BTBD9: variants seen among roughly 807,000 people sequenced by gnomAD.
BTBD9 encodes the protein BTB domain containing 9, also known as BTB/POZ domain-containing protein 9.
Under a neutral mutation model 64.3 loss-of-function variants are expected in BTBD9, and 49 were observed. The observed-to-expected ratio is 0.76, with a 90% CI of 0.61 to 0.97. The LOEUF (loss-of-function observed/expected upper bound fraction) is 0.97, where lower values mean the gene tolerates loss of function less well. Among genes scored for constraint, BTBD9 ranks in the 50% least tolerant of loss-of-function variants. The pLI is 0.00. For synonymous variants in BTBD9, 260 were observed against 274.7 expected (o/e 0.95, Z 0.53); for missense variants, 598 against 762.1 (o/e 0.78, Z 2.53).
chr6:38,303,860 TATATATATATATATACAC>T (rs1321840859), intron 7 of BTBD9, among the ~76,000 whole-genome samples: 1 of 124,918 alleles, frequency 8.0e-6, no homozygotes, highest in African/African-American at 3.0e-5. Flanking sequence ...TATATATATA[TATATATATATATATACAC>T]ACACACACAT....
chr6:38,580,104 A>G, intron 5 of BTBD9, 114 bp downstream of exon 5: 1 of 977,510 alleles, frequency 1.0e-6, no homozygotes, highest in South Asian at 1.7e-5. Context: ...TTCAAGAGAT[A>G]GCAGAATGAT....
chr6:38,582,079 A>G (rs941749220), intron 4 of BTBD9, among the ~76,000 whole-genome samples: 4 of 152,200 alleles, frequency 2.6e-5, no homozygotes, highest in Non-Finnish European at 5.9e-5. Flanking sequence ...TTTAATTTCA[A>G]ATGAAGATGA....
intron 7 of BTBD9, among the ~76,000 whole-genome samples, chr6:38,303,200 C>A (rs2127565217): frequency 6.6e-6 from 1 of 152,064 alleles, no homozygotes; most frequent in Non-Finnish European, 1.5e-5. Flanking sequence ...GGGTCTTATC[C>A]AAAAAATTCT....
In BTBD9 at chr6:38,401,652, C is replaced by T. The variant is rs140802222; in HGVS notation, c.1155-56559G>A. Among the ~76,000 whole-genome samples the T allele has an allele frequency of 3.7e-3, 556 of 152,232 alleles. 5 individuals carry two copies. Among genetic ancestry groups the T allele is most frequent in the African/African-American group, 0.012 (513 of 41,526 alleles). On this transcript the variant is annotated intron_variant, in intron 6 of 10. Coordinates refer to ENST00000481247, the MANE Select transcript of BTBD9 (RefSeq NM_001099272.2). ...GTTGCTTAATCTATTGTCTAGGTTC[C>T]AGGATAGAGCTATTATGAATTATTC...
At chr6:38,442,042 G>A (rs1429954962) in intron 6 of BTBD9, among the ~76,000 whole-genome samples, 2 of 152,054 alleles carry the variant, frequency 1.3e-5, no homozygotes, top group African/African-American at 2.4e-5. Context: ...GCAAAACTGC[G>A]GCAAGAGAGA....
chr6:38,264,837 A>G (rs563804199), intron 8 of BTBD9, among the ~76,000 whole-genome samples: 1 of 152,252 alleles, frequency 6.6e-6, no homozygotes, highest in East Asian at 1.9e-4. Context: ...TGCCCTGCAG[A>G]TTCCAGACAT....
chr6:38,210,671 C>G (rs759256344), intron 9 of BTBD9, among the ~76,000 whole-genome samples: 3 of 152,064 alleles, frequency 2.0e-5, no homozygotes, highest in Non-Finnish European at 4.4e-5. Flanking sequence ...TCTGGCATTT[C>G]TTTCTTACAA....
chr6:38,496,896 C>T (rs898286919), intron 6 of BTBD9, among the ~76,000 whole-genome samples: 3 of 152,142 alleles, frequency 2.0e-5, no homozygotes, highest in Admixed American at 2.0e-4. Context: ...AAACAATGCC[C>T]TAAAAGCTTA....
chr6:38,351,050 C>A (rs557674529), intron 6 of BTBD9, among the ~76,000 whole-genome samples: 1 of 152,164 alleles, frequency 6.6e-6, no homozygotes, highest in Non-Finnish European at 1.5e-5. Flanking sequence ...GTTGCTAAGG[C>A]AGCAAGTGGA....
chr6:38,576,603 C>T (rs925621775), intron 6 of BTBD9, among the ~76,000 whole-genome samples: 17 of 152,118 alleles, frequency 1.1e-4, no homozygotes, highest in Non-Finnish European at 1.6e-4. Flanking sequence ...TGCTGTGGTG[C>T]CTTCCCATCT....
chr6:38,591,734 C>T (rs1776798734), intron 4 of BTBD9, among the ~76,000 whole-genome samples: 1 of 151,966 alleles, frequency 6.6e-6, no homozygotes, highest in African/African-American at 2.4e-5. Context: ...TCGTGTAGGA[C>T]CTGTTCTTGA....
At chr6:38,395,878 T>C (rs1479093760) in intron 6 of BTBD9, among the ~76,000 whole-genome samples, 1 of 152,096 alleles carries the variant, frequency 6.6e-6, no homozygotes, top group African/African-American at 2.4e-5. Flanking sequence ...CCCAGCTAAC[T>C]TTTTGTATTT....
chr6:38,186,786 C>T (rs767341582), intron 10 of BTBD9, among the ~76,000 whole-genome samples: 11 of 152,200 alleles, frequency 7.2e-5, no homozygotes, highest in Non-Finnish European at 1.5e-4. Flanking sequence ...TAAAAGCTTT[C>T]ATGTAGGTTC....
At chr6:38,400,123 CTG>C in intron 6 of BTBD9, among the ~76,000 whole-genome samples, 1 of 152,190 alleles carries the variant, frequency 6.6e-6, no homozygotes, top group Middle Eastern at 3.4e-3. Flanking sequence ...AGGCATACCT[CTG>C]TACCTGTGTT....
chr6:38,334,881 T>C (rs906384746), intron 7 of BTBD9, among the ~76,000 whole-genome samples: 5 of 152,064 alleles, frequency 3.3e-5, no homozygotes, highest in African/African-American at 1.2e-4. Context: ...GAAAGGATAA[T>C]AAGATACATA....
intron 6 of BTBD9, among the ~76,000 whole-genome samples, chr6:38,508,289 T>C (rs1282859912): frequency 1.3e-5 from 2 of 152,204 alleles, no homozygotes; most frequent in Non-Finnish European, 2.9e-5. Flanking sequence ...TTGCCTTTTC[T>C]TGTGTTCCCA....
chr6:38,504,652 C>T (rs1772382627), intron 6 of BTBD9: 1 of 452,272 alleles, frequency 2.2e-6, no homozygotes, highest in Non-Finnish European at 4.4e-6. Flanking sequence ...ATCTTTCAAC[C>T]CAGGAAGCCC....
intron 6 of BTBD9, among the ~76,000 whole-genome samples, chr6:38,474,874 GAAAGT>G (rs961429562): frequency 6.6e-6 from 1 of 152,042 alleles, no homozygotes; most frequent in African/African-American, 2.4e-5. Context: ...AACTCCAAAT[GAAAGT>G]AAAGTATACT....
intron 6 of BTBD9, among the ~76,000 whole-genome samples, chr6:38,484,330 A>C (rs1203150742): frequency 2.6e-5 from 4 of 152,248 alleles, no homozygotes; most frequent in African/African-American, 9.6e-5. Flanking sequence ...AAATGGATTA[A>C]AGGTTCAGCA....
Sources: gnomAD v4.1 joint callset for allele counts (sites outside exome capture counted in the v4.1 genomes callset) on GRCh38, gnomAD v4.1.1 for gene constraint, MANE v1.5 for transcripts, NCBI Gene and HGNC (gene_info 2026-07-23, HGNC 2026-07-21) for gene names.